The following GPATCH2L variants were observed in gnomAD, a reference collection of about 807,000 sequenced individuals.
GPATCH2L encodes the protein G-patch domain containing 2 like, also known as G patch domain-containing protein 2-like.
GPATCH2L carries 31 observed loss-of-function variants against 57.4 expected under a neutral mutation model. That is an observed-to-expected ratio of 0.54 (90% CI 0.41 to 0.73). GPATCH2L has a LOEUF of 0.73. GPATCH2L is among the 30% of genes least tolerant of loss of function. The pLI, the probability that GPATCH2L is intolerant of heterozygous loss-of-function variation, is 0.00. For missense variants in GPATCH2L, 481 were observed against 599.9 expected (o/e 0.80, Z 2.07); for synonymous variants, 199 against 210.7 (o/e 0.94, Z 0.48).
At chr14:76,217,074 A>G (rs145695496), downstream of GPATCH2L, among the ~76,000 whole-genome samples, 6 of 152,270 alleles carry the variant, frequency 3.9e-5, no homozygotes, top group African/African-American at 9.6e-5. Context: ...TAATTGTACA[A>G]TTTAAACTAT....
chr14:76,218,316 G>A (rs2040498101), downstream of GPATCH2L, among the ~76,000 whole-genome samples: 1 of 151,940 alleles, frequency 6.6e-6, no homozygotes, highest in Admixed American at 6.6e-5. Context: ...AACTAAAGAA[G>A]ACTAACCAGA....
rs2040326098 is a variant in GPATCH2L at position 76,202,469 on chromosome 14, A to G, written c.*618A>G. 6.5e-6 allele frequency: 1 copy of G among 152,714 alleles called. No homozygotes were observed. Among genetic ancestry groups the G allele is most frequent in the Admixed American group, 6.5e-5 (1 of 15,274 alleles). The allele number at this position is 152,714 out of a possible 1,614,324, so 9.5% of individuals were successfully genotyped here. A position where few individuals can be genotyped will look rare whatever the true frequency, so the allele number is the denominator to read the frequency against. On this transcript the variant is annotated 3_prime_UTR_variant, in exon 10 of 10. Coordinates refer to ENST00000261530, the MANE Select transcript of GPATCH2L (RefSeq NM_017926.4). ...GCAGAAACTCAGACAGCTCATCAGCAGCAGCAGCTGTATTGTATTTTACCT... is the reference window on the plus strand; with the variant it reads ...GCAGAAACTCAGACAGCTCATCAGCGGCAGCAGCTGTATTGTATTTTACCT...
chr14:76,191,803 C>T (rs1470280765), intron 8 of GPATCH2L, among the ~76,000 whole-genome samples: 1 of 152,102 alleles, frequency 6.6e-6, no homozygotes, highest in Non-Finnish European at 1.5e-5. Context: ...TCAATATCTT[C>T]CTTCTAGCTA....
chr14:76,200,053 TCAAA>T (rs1343483607), intron 9 of GPATCH2L, among the ~76,000 whole-genome samples: 1 of 152,190 alleles, frequency 6.6e-6, no homozygotes, highest in Non-Finnish European at 1.5e-5. Context: ...ATTTGCTAAG[TCAAA>T]TAAGTTAGAC....
intron 1 of GPATCH2L, chr14:76,229,781 C>T (rs2040552450): frequency 6.6e-6 from 1 of 152,194 alleles, no homozygotes; most frequent in South Asian, 2.1e-4. Flanking sequence ...GTGGGACTCA[C>T]TGTCCTGAAC....
At chr14:76,233,647 T>G (rs967602540) in intron 2 of GPATCH2L, among the ~76,000 whole-genome samples, 27 of 152,250 alleles carry the variant, frequency 1.8e-4, no homozygotes, top group African/African-American at 6.3e-4. Flanking sequence ...CTTTAATATT[T>G]CAGTATGAAT....
rs1419475312 is a variant in GPATCH2L at position 76,207,313 on chromosome 14, A to T, written c.*5462A>T. On this transcript the variant is annotated 3_prime_UTR_variant, in exon 10 of 10. Coordinates refer to ENST00000261530, the MANE Select transcript of GPATCH2L (RefSeq NM_017926.4). ...CCTGGGTGACAGAGCAAGACCCTGT[A>T]TCAAAAAATAGATAATAAAATAAAA... is the stretch of plus-strand genomic sequence containing the variant. 1 of 152,194 alleles carries T rather than the reference A, an allele frequency of 6.6e-6. No individual in the cohort carries two copies. Among genetic ancestry groups the T allele is most frequent in the African/African-American group, 2.4e-5 (1 of 41,458 alleles). The allele number at this position is 152,194 out of a possible 1,614,324, so 9.4% of individuals were successfully genotyped here. A position where few individuals can be genotyped will look rare whatever the true frequency, so the allele number is the denominator to read the frequency against.
chr14:76,201,087 T>C (rs1166534212), intron 9 of GPATCH2L, among the ~76,000 whole-genome samples: 2 of 152,224 alleles, frequency 1.3e-5, no homozygotes, highest in Non-Finnish European at 2.9e-5. Flanking sequence ...TTTAGTGATC[T>C]TATTGAAAAA....
At chr14:76,183,364 C>A (rs528210193) in intron 8 of GPATCH2L, among the ~76,000 whole-genome samples, 1 of 152,208 alleles carries the variant, frequency 6.6e-6, no homozygotes, top group African/African-American at 2.4e-5. Flanking sequence ...TTTGTCCTTA[C>A]TTCTAGACGT....
intron 2 of GPATCH2L, among the ~76,000 whole-genome samples, chr14:76,159,475 C>T (rs963032): frequency 0.21 from 31,202 of 151,990 alleles, 3,545 homozygotes; most frequent in African/African-American, 0.3. Context: ...CTCAGATCTA[C>T]AGCTGGCCAA....
intron 1 of GPATCH2L, among the ~76,000 whole-genome samples, chr14:76,221,759 T>C (rs765032015): frequency 5.9e-5 from 9 of 152,296 alleles, no homozygotes; most frequent in Admixed American, 6.5e-5. Context: ...ATATCATCTA[T>C]ATGAACAGGC....
intron 1 of GPATCH2L, among the ~76,000 whole-genome samples, chr14:76,220,147 C>A (rs1328588032): frequency 6.6e-6 from 1 of 152,136 alleles, no homozygotes; most frequent in Non-Finnish European, 1.5e-5. Context: ...CAGCTTCAGT[C>A]CTCACACAAG....
At chr14:76,162,062 T>G (rs142362061) in intron 2 of GPATCH2L, among the ~76,000 whole-genome samples, 1 of 152,140 alleles carries the variant, frequency 6.6e-6, no homozygotes, top group Non-Finnish European at 1.5e-5. Flanking sequence ...AAAAAACTTA[T>G]GAGCTCTAAA....
chr14:76,188,285 G>A (rs188988793), intron 8 of GPATCH2L, among the ~76,000 whole-genome samples: 21 of 152,064 alleles, frequency 1.4e-4, no homozygotes, highest in Admixed American at 9.8e-4. Flanking sequence ...TTTTTTTGAG[G>A]AACCTCCAAA....
At chr14:76,223,835 C>G (rs557306511) in intron 1 of GPATCH2L, among the ~76,000 whole-genome samples, 1 of 152,164 alleles carries the variant, frequency 6.6e-6, no homozygotes, top group Admixed American at 6.5e-5. Flanking sequence ...CGAAAAGATG[C>G]TCAACATCAT....
intron 8 of GPATCH2L, among the ~76,000 whole-genome samples, chr14:76,186,647 A>T (rs549919082): frequency 1.3e-4 from 20 of 152,290 alleles, no homozygotes; most frequent in African/African-American, 4.6e-4. Flanking sequence ...GGAATTGCCC[A>T]TTGTATAGTA....
downstream of GPATCH2L, among the ~76,000 whole-genome samples, chr14:76,217,517 T>A (rs187612568): frequency 3.9e-4 from 59 of 152,104 alleles, no homozygotes; most frequent in Non-Finnish European, 6.0e-4. Flanking sequence ...ATGGAAAGTT[T>A]TGGGACCAAT....
chr14:76,162,428 A>G (rs2038634908), intron 2 of GPATCH2L, among the ~76,000 whole-genome samples: 2 of 152,208 alleles, frequency 1.3e-5, no homozygotes, highest in African/African-American at 4.8e-5. Flanking sequence ...ACCTAATTGC[A>G]GAAGTGGCAA....
chr14:76,219,563 C>T (rs1297441200), intron 1 of GPATCH2L, among the ~76,000 whole-genome samples: 3 of 152,056 alleles, frequency 2.0e-5, no homozygotes, highest in Admixed American at 6.6e-5. Flanking sequence ...ACAATTGTAT[C>T]TATACATGTG....
Sources: allele counts gnomAD v4.1 joint callset (sites outside exome capture counted in the v4.1 genomes callset), GRCh38; gene constraint gnomAD v4.1.1; transcripts MANE v1.5; gene names NCBI Gene and HGNC (gene_info 2026-07-23, HGNC 2026-07-21).